LRP1B: variants seen among roughly 807,000 people sequenced by gnomAD.
The protein encoded by LRP1B is LDL receptor related protein 1B, also known as low-density lipoprotein receptor-related protein 1B.
Under a neutral mutation model 556.6 loss-of-function variants are expected in LRP1B, and 217 were observed. The observed-to-expected ratio is 0.39, with a 90% CI of 0.35 to 0.44. The LOEUF is 0.44. LRP1B is among the 20% of genes least tolerant of loss of function. The probability of loss-of-function intolerance (pLI) is 1.00; values close to 1 mark genes in which losing one functional copy is unlikely to be tolerated. For missense variants in LRP1B, 5,053 were observed against 5,620.8 expected (o/e 0.90, Z 3.23); for synonymous variants, 2,047 against 1,865.8 (o/e 1.10, Z -2.50).
In LRP1B at chr2:142,130,996, T is replaced by C. The variant is rs949501937; in HGVS notation, c.-267A>G. 9 of 538,156 alleles carry C rather than the reference T, an allele frequency of 1.7e-5. No homozygotes were observed. In the African/African-American group the frequency reaches 1.7e-4, roughly 10 times the overall value. 33.3% of individuals were successfully genotyped at this position (538,156 alleles called of 1,614,324 possible). Reference sequence around the variant, plus strand: ...GAGCGAGACGCCCGTGTGTCTTGACTTTTCAATGCAGGGTACGTCTGATCT... The same window carrying C: ...GAGCGAGACGCCCGTGTGTCTTGACCTTTCAATGCAGGGTACGTCTGATCT... On this transcript the variant is annotated 5_prime_UTR_variant, in exon 1 of 91. Transcript: ENST00000389484.
intron 72 of LRP1B, among the ~76,000 whole-genome samples, chr2:140,363,962 G>A (rs1220246032): frequency 6.6e-6 from 1 of 151,598 alleles, no homozygotes. Context: ...TAAAAAGTAT[G>A]ATAACAGGGA....
intron 43 of LRP1B, among the ~76,000 whole-genome samples, chr2:140,545,641 A>G: frequency 6.6e-6 from 1 of 152,152 alleles, no homozygotes; most frequent in East Asian, 1.9e-4. Context: ...GCATTGGTCT[A>G]TACGTCAGTT....
chr2:141,323,087 A>G (rs998815434), intron 3 of LRP1B, among the ~76,000 whole-genome samples: 1 of 152,006 alleles, frequency 6.6e-6, no homozygotes, highest in Non-Finnish European at 1.5e-5. Flanking sequence ...TACTATTACT[A>G]CTGCTGCTGC....
At chr2:140,447,142 G>A (rs1686694733) in intron 63 of LRP1B, among the ~76,000 whole-genome samples, 1 of 151,954 alleles carries the variant, frequency 6.6e-6, no homozygotes, top group Non-Finnish European at 1.5e-5. Context: ...GTTAGGCATT[G>A]TAAAAAAAGA....
At chr2:141,011,030 T>TA (rs1435350945) in intron 14 of LRP1B, among the ~76,000 whole-genome samples, 7 of 145,036 alleles carry the variant, frequency 4.8e-5, no homozygotes, top group East Asian at 4.0e-4. Flanking sequence ...AAATATAGTT[T>TA]TTATATATAT....
chr2:140,380,557 T>C (rs956134183), intron 67 of LRP1B, among the ~76,000 whole-genome samples: 2 of 152,200 alleles, frequency 1.3e-5, no homozygotes, highest in Non-Finnish European at 2.9e-5. Flanking sequence ...CCCAAAATTT[T>C]TTCATGAAAA....
chr2:141,910,767 G>A (rs1479269874), intron 1 of LRP1B, among the ~76,000 whole-genome samples: 6 of 151,952 alleles, frequency 3.9e-5, no homozygotes, highest in African/African-American at 9.7e-5. Flanking sequence ...GTAGATAATC[G>A]AAAGGACTTA....
At chr2:141,331,612 T>G (rs1366556380) in intron 3 of LRP1B, among the ~76,000 whole-genome samples, 1 of 150,634 alleles carries the variant, frequency 6.6e-6, no homozygotes, top group Non-Finnish European at 1.5e-5. Context: ...AAATTAAAAT[T>G]TAAAATTTAA....
chr2:140,681,835 A>G (rs1410742954), intron 41 of LRP1B, among the ~76,000 whole-genome samples: 1 of 152,124 alleles, frequency 6.6e-6, no homozygotes, highest in Non-Finnish European at 1.5e-5. Flanking sequence ...TTATTTTTTC[A>G]TGGAACTCAA....
chr2:140,812,252 A>C (rs1408878243), intron 32 of LRP1B, among the ~76,000 whole-genome samples: 1 of 152,120 alleles, frequency 6.6e-6, no homozygotes, highest in Admixed American at 6.5e-5. Context: ...CAAAAAGTAC[A>C]TTCATTTAGA....
At chr2:141,038,897 T>G (rs141382310) in intron 11 of LRP1B, among the ~76,000 whole-genome samples, 32 of 152,184 alleles carry the variant, frequency 2.1e-4, no homozygotes, top group African/African-American at 7.5e-4. Flanking sequence ...GTAATTTATT[T>G]AAGTGTGTAA....
chr2:141,751,153 CAAAT>C (rs1694096868), intron 2 of LRP1B, among the ~76,000 whole-genome samples: 2 of 151,902 alleles, frequency 1.3e-5, no homozygotes, highest in South Asian at 4.2e-4. Flanking sequence ...AAAAAGTTAA[CAAAT>C]AAAACACATC....
At chr2:141,052,079 T>C (rs1287959160) in intron 10 of LRP1B, among the ~76,000 whole-genome samples, 1 of 152,126 alleles carries the variant, frequency 6.6e-6, no homozygotes, top group African/African-American at 2.4e-5. Context: ...GTTTTCTGTT[T>C]TCATCATTAT....
At chr2:141,846,368 G>C (rs1697644122) in intron 1 of LRP1B, among the ~76,000 whole-genome samples, 1 of 151,366 alleles carries the variant, frequency 6.6e-6, no homozygotes, top group Non-Finnish European at 1.5e-5. Flanking sequence ...AATCATGAAA[G>C]ACTTTGAAAT....
intron 35 of LRP1B, among the ~76,000 whole-genome samples, chr2:140,754,741 A>G (rs1435761197): frequency 6.7e-5 from 10 of 149,486 alleles, no homozygotes; most frequent in Non-Finnish European, 8.9e-5. Context: ...TCTCAAATCA[A>G]TAACCTAATC....
intron 1 of LRP1B, among the ~76,000 whole-genome samples, chr2:141,931,462 T>C (rs1055729022): frequency 2.6e-5 from 4 of 152,062 alleles, no homozygotes; most frequent in Admixed American, 2.0e-4. Flanking sequence ...GGAGGTAGAA[T>C]TGTACTCAGA....
intron 2 of LRP1B, among the ~76,000 whole-genome samples, chr2:141,552,817 A>G (rs1685803689): frequency 6.6e-6 from 1 of 151,992 alleles, no homozygotes; most frequent in Admixed American, 6.6e-5. Flanking sequence ...GAGCATCACT[A>G]TTTGGAAAAA....
At chr2:140,461,372 A>G (rs1185481154) in intron 60 of LRP1B, among the ~76,000 whole-genome samples, 3 of 152,136 alleles carry the variant, frequency 2.0e-5, no homozygotes, top group African/African-American at 7.2e-5. Context: ...GCATTAGGAT[A>G]TTGGTAGCTT....
rs1697168672 is a variant in LRP1B, at chr2:140,994,051, T to A, written c.2588A>T (p.Lys863Ile). 6.2e-7 allele frequency: 1 copy of A among 1,612,708 alleles called. No individual in the cohort carries two copies. Among genetic ancestry groups the A allele is most frequent in the African/African-American group, 1.3e-5 (1 of 74,828 alleles). Reference protein sequence around the residue: ...KNRHCIQARWKCDGDDDCLDG... With the variant: ...KNRHCIQARWICDGDDDCLDG... ...TAGGCAGTCATCGTCGCCATCACAT[T>A]TCCACCGAGCTTGGATACAGTGTCT... Residue 863 changes from lysine to isoleucine, a missense_variant, in exon 16 of 91, where the codon AAA becomes ATA. Physicochemically the swap from Lys to Ile is moderately radical, Grantham distance 102. This residue lies in a region of LRP1B where 3,619 missense variants were observed against 3,931.9 expected (regional missense o/e 0.92). Transcript: ENST00000389484.
Sources: allele counts gnomAD v4.1 joint callset (sites outside exome capture counted in the v4.1 genomes callset), GRCh38; gene constraint gnomAD v4.1.1; regional missense constraint gnomAD v4.1.1; transcripts MANE v1.5; gene names NCBI Gene and HGNC (gene_info 2026-07-23, HGNC 2026-07-21).